The following SLC24A5 variants were observed in gnomAD, a reference collection of about 807,000 sequenced individuals.
SLC24A5 encodes the protein sodium/potassium/calcium exchanger 5.
SLC24A5 carries 46 observed loss-of-function variants against 51.6 expected under a neutral mutation model. The observed-to-expected ratio is 0.89, with a 90% confidence interval of 0.70 to 1.14. SLC24A5 has a LOEUF of 1.14. SLC24A5 is among the 50% of genes most tolerant of loss of function. The pLI, the probability that SLC24A5 is intolerant of heterozygous loss-of-function variation, is 0.00. For missense variants in SLC24A5, 581 were observed against 604.1 expected (o/e 0.96, Z 0.40); for synonymous variants, 230 against 214.9 (o/e 1.07, Z -0.62).
intron 2 of SLC24A5, chr15:48,122,921 C>G (rs2038694508): frequency 6.6e-6 from 1 of 152,196 alleles, no homozygotes; most frequent in African/African-American, 2.4e-5. Flanking sequence ...ACAGTAACAG[C>G]AGCGTCCTCA....
chr15:48,126,431 G>A (rs904196263), intron 2 of SLC24A5, among the ~76,000 whole-genome samples: 7 of 152,232 alleles, frequency 4.6e-5, no homozygotes, highest in African/African-American at 1.7e-4. Context: ...AATTGGTGTT[G>A]TAGAGGGGAC....
chr15:48,127,636 T>A (rs1232294720), intron 2 of SLC24A5, among the ~76,000 whole-genome samples: 1 of 152,084 alleles, frequency 6.6e-6, no homozygotes, highest in East Asian at 1.9e-4. Context: ...CTGGCCAACA[T>A]GGTAAAACCC....
chr15:48,134,796 C>T, intron 4 of SLC24A5, 88 bp from the exon 5 acceptor site: 5 of 1,059,692 alleles, frequency 4.7e-6, no homozygotes, highest in Non-Finnish European at 6.9e-6. Context: ...TATTTAACTA[C>T]AAATATATAA....
At chr15:48,124,187 G>A (rs2038708172) in intron 2 of SLC24A5, 1 of 151,944 alleles carries the variant, frequency 6.6e-6, no homozygotes, top group Non-Finnish European at 1.5e-5. Context: ...TTTATAACTA[G>A]AAAGGCATTT....
chr15:48,138,658 T>C (rs761781716), intron 6 of SLC24A5: 20 of 230,916 alleles, frequency 8.7e-5, no homozygotes, highest in African/African-American at 1.4e-4. Flanking sequence ...CTGAAGACAA[T>C]CCACAGGAGA....
chr15:48,138,528 A>G (rs2038959137), intron 6 of SLC24A5: 1 of 153,202 alleles, frequency 6.5e-6, no homozygotes. Context: ...ATTATTTTAT[A>G]TTCTTTAAGT....
intron 8 of SLC24A5, chr15:48,141,539 G>C (rs1000770339): frequency 1.1e-5 from 2 of 182,754 alleles, no homozygotes; most frequent in African/African-American, 4.8e-5. Context: ...ATTGCGCCAC[G>C]GCACTCCAGC....
chr15:48,124,355 G>A (rs1421977454), intron 2 of SLC24A5: 2 of 151,966 alleles, frequency 1.3e-5, no homozygotes, highest in Non-Finnish European at 2.9e-5. Flanking sequence ...TTATATAGAT[G>A]TAGATCTGTC....
intron 6 of SLC24A5, chr15:48,138,755 A>C: frequency 5.9e-6 from 3 of 504,814 alleles, no homozygotes; most frequent in Non-Finnish European, 1.1e-5. Context: ...CCCCAAATAA[A>C]GAAATGCGGA....
intron 2 of SLC24A5, among the ~76,000 whole-genome samples, chr15:48,127,841 A>G (rs1300029818): frequency 2.0e-5 from 3 of 151,982 alleles, no homozygotes; most frequent in Non-Finnish European, 4.4e-5. Flanking sequence ...TAAATAAATA[A>G]AAATTAAAAT....
chr15:48,135,064 GTTA>G (rs1246748543), intron 5 of SLC24A5, 80 bp downstream of exon 5: 4 of 1,100,420 alleles, frequency 3.6e-6, no homozygotes, highest in African/African-American at 1.6e-5. Flanking sequence ...TTTCAGAAAT[GTTA>G]TTTCAGTCAC....
intron 2 of SLC24A5, chr15:48,123,316 G>A (rs573580651): frequency 6.6e-6 from 1 of 151,868 alleles, no homozygotes; most frequent in South Asian, 2.1e-4. Context: ...TTAGATTAAT[G>A]AAATACAAGA....
At chr15:48,141,363 G>A (rs2039078543) in intron 8 of SLC24A5, 149 bp downstream of exon 8, 1 of 539,304 alleles carries the variant, frequency 1.9e-6, no homozygotes, top group Admixed American at 3.2e-5. Context: ...TGGATCACGA[G>A]GTCAGGAGTT....
In SLC24A5 at chr15:48,141,140, T is replaced by G. The variant is rs969391040; in HGVS notation, c.1106T>G (p.Val369Gly). The change falls in exon 8 of 9, where the codon GTA becomes GGA. Residue 369 changes from valine (V) to glycine (G), a missense_variant. Coordinates refer to ENST00000341459, the MANE Select transcript of SLC24A5 (RefSeq NM_205850.3). ...GAAACACTAGAAATTCCCGATACAG[T>G]AATGGGCCTTACTTTATTAGCAGCA... ...TGETLEIPDT[V>G]MGLTLLAAGT... 2 of 1,613,550 alleles carry G rather than the reference T, an allele frequency of 1.2e-6. No individual in the cohort carries two copies. Among genetic ancestry groups the G allele is most frequent in the African/African-American group, 2.7e-5 (2 of 74,888 alleles).
At chr15:48,131,269 T>G (rs2038786945) in intron 2 of SLC24A5, among the ~76,000 whole-genome samples, 1 of 152,092 alleles carries the variant, frequency 6.6e-6, no homozygotes, top group Non-Finnish European at 1.5e-5. Context: ...CTGGTTAGAG[T>G]GATTATACGT....
chr15:48,135,603 A>C (rs1427625829), intron 5 of SLC24A5: 1 of 152,338 alleles, frequency 6.6e-6, no homozygotes, highest in Non-Finnish European at 1.5e-5. Flanking sequence ...GCAGGCACCT[A>C]CTAGGTCCTT....
chr15:48,140,607 T>C (rs2039037232), intron 7 of SLC24A5: 1 of 152,212 alleles, frequency 6.6e-6, no homozygotes, highest in South Asian at 2.1e-4. Flanking sequence ...TTAATGAACG[T>C]TCCCCCTCCC....
At chr15:48,132,550 C>T (rs8040016) in intron 2 of SLC24A5, among the ~76,000 whole-genome samples, 4,547 of 152,198 alleles carry the variant, frequency 0.03, 169 homozygotes, top group Admixed American at 0.09. Flanking sequence ...GATGACTTAA[C>T]TATCACCCCA....
chr15:48,136,429 A>G (rs2038900790), intron 5 of SLC24A5: 1 of 327,898 alleles, frequency 3.0e-6, no homozygotes, highest in East Asian at 4.9e-5. Context: ...GAAGGAATCT[A>G]CAAGTAAAAA....
Sources: gnomAD v4.1 joint callset for allele counts (sites outside exome capture counted in the v4.1 genomes callset) on GRCh38, gnomAD v4.1.1 for gene constraint, MANE v1.5 for transcripts, NCBI Gene and HGNC (gene_info 2026-07-23, HGNC 2026-07-21) for gene names.